Variants in NDRG2 observed in about 807,000 individuals in gnomAD.
NDRG2 encodes the protein NDRG family member 2.
In NDRG2, 34 loss-of-function variants were observed where a neutral mutation model predicts 58.2. The ratio of observed to expected loss-of-function variants is 0.58; its 90% confidence interval spans 0.44 to 0.78. The LOEUF is 0.78. Ranked by LOEUF, NDRG2 falls within the 30% of genes least tolerant of loss-of-function variation. The probability of loss-of-function intolerance (pLI) is 0.00; values close to 1 mark genes in which losing one functional copy is unlikely to be tolerated. For synonymous variants in NDRG2, 187 were observed against 175.9 expected (o/e 1.06, Z -0.50); for missense variants, 434 against 471.2 (o/e 0.92, Z 0.73).
chr14:21,031,902 C>T (rs143708257), intron 1 of NDRG2: 9 of 1,613,524 alleles, frequency 5.6e-6, no homozygotes, highest in Admixed American at 1.7e-5. Context: ...AAAGCAACAA[C>T]AGTGGGTGCA....
intron 1 of NDRG2, chr14:21,032,545 T>G: frequency 2.9e-6 from 1 of 345,662 alleles, no homozygotes; most frequent in South Asian, 2.1e-5. Flanking sequence ...TTCAGGTTTT[T>G]TGGGTGGAGG....
intron 1 of NDRG2, among the ~76,000 whole-genome samples, chr14:21,056,508 G>C (rs1410996744): frequency 6.6e-6 from 1 of 152,146 alleles, no homozygotes; most frequent in Non-Finnish European, 1.5e-5. Context: ...GCCTGTTGTC[G>C]TTATTGAAAA....
rs145795442 is a variant in NDRG2 at position 21,024,778 on chromosome 14, C to T, written c.-755G>A. 833 of 985,618 alleles carry T rather than the reference C, an allele frequency of 8.5e-4. 6 individuals carry two copies. The African/African-American group carries it at 0.013, about 15-fold the overall frequency. The allele number at this position is 985,618 out of a possible 1,614,324, so 61.1% of individuals were successfully genotyped here. ...CCTACGAGTCCCTACGCAGCCCGTCCGCGTGGAGACTGACACCCTTGCGTG... is the reference window on the plus strand; with the variant it reads ...CCTACGAGTCCCTACGCAGCCCGTCTGCGTGGAGACTGACACCCTTGCGTG... On this transcript the variant is annotated 5_prime_UTR_variant, in exon 1 of 16. Transcript: ENST00000556147.
chr14:21,035,743 T>C (rs1884581653), intron 1 of NDRG2: 6 of 455,930 alleles, frequency 1.3e-5, no homozygotes, highest in South Asian at 7.7e-5. Flanking sequence ...CAGTCCAAAA[T>C]GGAATCCATC....
chr14:21,022,867 T>C lies in NDRG2; in HGVS notation c.114A>G (p.Gly38=), dbSNP rs1170453568. 6.2e-7 allele frequency: 1 copy of C among 1,613,686 alleles called. No homozygotes were observed. The highest frequency in any genetic ancestry group is 1.7e-5 in the Admixed American group (1 of 59,998). ...ELAARILLDQ[G]QTHSVETPYG... is the part of the protein sequence containing the mutation. ...GGGACTGCCCCCACACTGTTACCTG[T>C]CCCTGGTCCAGGAGGATTCGGGCAG... The change falls in exon 3 of 16, where the codon GGA becomes GGG. Residue 38 remains glycine (G), a synonymous_variant. Coordinates refer to ENST00000556147, the MANE Select transcript of NDRG2 (RefSeq NM_001320329.2).
Position 21,020,807 on chromosome 14 carries a change from C to T in NDRG2, c.445G>A (p.Ala149Thr). ...TIIGVGVGAG[A>T]YILARYALNH... ...ACAGCATATCTCGCCAGGATGTAGG[C>T]TCCAGCTCCAACACCAACTCCAATT... Residue 149 changes from alanine to threonine, a missense_variant, in exon 7 of 16, where the codon GCC becomes ACC. Coordinates refer to ENST00000556147, the MANE Select transcript of NDRG2 (RefSeq NM_001320329.2). The T allele has an allele frequency of 6.2e-7, 1 of 1,613,886 alleles. No homozygotes were observed. Among genetic ancestry groups the T allele is most frequent in the Non-Finnish European group, 8.5e-7 (1 of 1,179,986 alleles).
chr14:21,023,729 A>G, intron 1 of NDRG2: 1 of 178,956 alleles, frequency 5.6e-6, no homozygotes, highest in South Asian at 1.5e-4. Context: ...TCTAAAGGAC[A>G]GGGTACCAAA....
intron 1 of NDRG2, among the ~76,000 whole-genome samples, chr14:21,069,195 C>A (rs1374277377): frequency 6.6e-6 from 1 of 152,262 alleles, no homozygotes; most frequent in Non-Finnish European, 1.5e-5. Flanking sequence ...TGCCTCCCCC[C>A]GGGCTCCTGG....
intron 1 of NDRG2, among the ~76,000 whole-genome samples, chr14:21,069,313 G>T (rs924615715): frequency 6.6e-6 from 1 of 152,126 alleles, no homozygotes; most frequent in East Asian, 1.9e-4. Flanking sequence ...ACCCTGCTTT[G>T]TCTCCTGCGC....
chr14:21,057,297 G>A lies in NDRG2; in HGVS notation c.24+13531C>T, dbSNP rs540321295. 7.9e-5 allele frequency among the ~76,000 whole-genome samples: 12 copies of A among 152,212 alleles called. No homozygotes were observed. The East Asian group carries it at 2.3e-3, about 29-fold the overall frequency. Reference sequence around the variant, plus strand: ...TAAAAATAGAAAAAATTAGCTAGGCGTGGTGGTGCATGCCTGTAATCCCAG... The same window carrying A: ...TAAAAATAGAAAAAATTAGCTAGGCATGGTGGTGCATGCCTGTAATCCCAG... On this transcript the variant is annotated intron_variant, in intron 1 of 14. Coordinates refer to the NDRG2 transcript ENST00000403829.
chr14:21,027,306 A>G (rs1883756265), upstream of NDRG2, among the ~76,000 whole-genome samples: 1 of 152,256 alleles, frequency 6.6e-6, no homozygotes, highest in Non-Finnish European at 1.5e-5. Context: ...GAGCAGCTTC[A>G]CACTATACCT....
chr14:21,061,942 A>T (rs772371275), intron 1 of NDRG2, among the ~76,000 whole-genome samples: 70 of 152,238 alleles, frequency 4.6e-4, no homozygotes, highest in Admixed American at 1.7e-3. Flanking sequence ...TGCCCAAATT[A>T]CTTTATAAGG....
At chr14:21,065,558 A>G (rs749471721) in intron 1 of NDRG2, among the ~76,000 whole-genome samples, 9 of 152,244 alleles carry the variant, frequency 5.9e-5, no homozygotes, top group Non-Finnish European at 1.2e-4. Flanking sequence ...CATAATCAAT[A>G]GAGAAAAATG....
upstream of NDRG2, chr14:21,025,598 GT>G (rs957933725): frequency 5.1e-6 from 5 of 985,484 alleles, no homozygotes; most frequent in African/African-American, 8.7e-5. This position sits in a 1 kb window ranked among gnomAD's most constrained non-coding sequence, Gnocchi z 5.1. Context: ...AGGGGCAGGT[GT>G]GCTGGCGCCG....
In NDRG2 at chr14:21,070,654, C is replaced by G. The variant is rs1034966690; in HGVS notation, c.24+174G>C. ...TCCCCCATCCTCCCTTGGGTCTCTCCCCTAATCCACACACCTCCCCGCTCC... is the reference window on the plus strand; with the variant it reads ...TCCCCCATCCTCCCTTGGGTCTCTCGCCTAATCCACACACCTCCCCGCTCC... On this transcript the variant is annotated intron_variant, in intron 1 of 14. Transcript: ENST00000403829. This position sits in a 1 kb window ranked among gnomAD's most constrained non-coding sequence, Gnocchi z 4.7. 3.3e-5 allele frequency among the ~76,000 whole-genome samples: 5 copies of G among 152,036 alleles called. No individual in the cohort carries two copies. Among genetic ancestry groups the G allele is most frequent in the Non-Finnish European group, 5.9e-5 (4 of 67,990 alleles).
intron 14 of NDRG2, 71 bp from the exon 15 acceptor site, chr14:21,018,109 G>T: frequency 6.3e-7 from 1 of 1,596,520 alleles, no homozygotes; most frequent in African/African-American, 1.3e-5. Flanking sequence ...CTGAGGCTGC[G>T]GCACTGTGGG....
In NDRG2 at chr14:21,043,665, A is replaced by G. The variant is rs145469160; in HGVS notation, c.25-20344T>C. ...TTCATCTTTTTGTTGCTGTTTTCCC[A>G]GATGCTTATCCCCAAGAAACAGCAA... On this transcript the variant is annotated intron_variant, in intron 1 of 14. Coordinates refer to the NDRG2 transcript ENST00000403829. The G allele has an allele frequency of 9.0e-6, 5 of 558,194 alleles. No individual in the cohort carries two copies. The African/African-American group carries it at 9.5e-5, about 11-fold the overall frequency. 34.6% of individuals were successfully genotyped at this position (558,194 alleles called of 1,614,324 possible).
At chr14:21,025,800 G>A (rs957902639), upstream of NDRG2, 17 of 792,268 alleles carry the variant, frequency 2.1e-5, no homozygotes, top group Non-Finnish European at 2.4e-5. The surrounding 1 kb of genome is among the most constrained non-coding windows in gnomAD (Gnocchi z 5.1). Context: ...GCGATCGCGG[G>A]CAGGCGGGGG....
chr14:21,059,488 T>A (rs943461974), intron 1 of NDRG2, among the ~76,000 whole-genome samples: 1 of 146,722 alleles, frequency 6.8e-6, no homozygotes, highest in Non-Finnish European at 1.5e-5. Flanking sequence ...TTTTTGGGTT[T>A]TTTTTTTCTT....
Sources: allele counts gnomAD v4.1 joint callset (sites outside exome capture counted in the v4.1 genomes callset), GRCh38; gene constraint gnomAD v4.1.1; non-coding constraint Gnocchi (gnomAD v3.1); transcripts MANE v1.5; gene names NCBI Gene and HGNC (gene_info 2026-07-23, HGNC 2026-07-21).